KDM4C: variants seen among roughly 807,000 people sequenced by gnomAD.
KDM4C encodes lysine-specific demethylase 4C.
In KDM4C, 81 loss-of-function variants were observed where a neutral mutation model predicts 129.3. The observed-to-expected ratio is 0.63, with a 90% CI of 0.52 to 0.75. The LOEUF is 0.75. Ranked by LOEUF, KDM4C falls within the 30% of genes least tolerant of loss-of-function variation. The pLI, the probability that KDM4C is intolerant of heterozygous loss-of-function variation, is 0.00. For missense variants in KDM4C, 1,457 were observed against 1,304.0 expected (o/e 1.12, Z -1.81); for synonymous variants, 573 against 456.1 (o/e 1.26, Z -3.26).
At chr9:6,757,874 A>G, upstream of KDM4C, 8 of 985,598 alleles carry the variant, frequency 8.1e-6, no homozygotes, top group Non-Finnish European at 9.6e-6. Context: ...GCCCAAAGCA[A>G]GAGCGTGCCG....
intron 17 of KDM4C, among the ~76,000 whole-genome samples, chr9:7,090,341 A>C (rs1219976633): frequency 6.6e-6 from 1 of 152,112 alleles, no homozygotes; most frequent in Non-Finnish European, 1.5e-5. Context: ...TTGTAGAAAA[A>C]AATAAAATAT....
intron 15 of KDM4C, among the ~76,000 whole-genome samples, chr9:7,045,292 C>G (rs1239692161): frequency 1.3e-5 from 2 of 151,994 alleles, no homozygotes; most frequent in African/African-American, 2.4e-5. Context: ...ACATCTAATT[C>G]TCTTAGAGCC....
chr9:6,831,333 A>T (rs749587550), intron 4 of KDM4C, among the ~76,000 whole-genome samples: 3 of 151,766 alleles, frequency 2.0e-5, no homozygotes, highest in African/African-American at 7.3e-5. Flanking sequence ...ACTCCTCCCA[A>T]TTCTTCTGCT....
chr9:6,988,608 G>C (rs1818161997), intron 11 of KDM4C, among the ~76,000 whole-genome samples: 1 of 152,078 alleles, frequency 6.6e-6, no homozygotes, highest in South Asian at 2.1e-4. Context: ...GCTGATAGCT[G>C]CTGGCATTAG....
intron 17 of KDM4C, among the ~76,000 whole-genome samples, chr9:7,099,783 A>G (rs1836864625): frequency 6.6e-6 from 1 of 152,200 alleles, no homozygotes; most frequent in Admixed American, 6.5e-5. Context: ...TGTCAGAGAT[A>G]CCCACTAACA....
rs1285910400 is a variant in KDM4C, at chr9:6,999,522, C to T, written c.1786+8998C>T. On this transcript the variant is annotated intron_variant, in intron 12 of 21. Transcript: ENST00000381309. The stretch of plus-strand genomic sequence containing the variant: ...TCTACTAAAAATACAAAAAATTAGC[C>T]GGGCGTGGTGGCGGGCGCCTGTGGT... Among the ~76,000 whole-genome samples, 2 of 1,500 alleles carry T rather than the reference C, an allele frequency of 1.3e-3. 1 individual carries two copies. Among genetic ancestry groups the T allele is most frequent in the African/African-American group, 1.4e-3 (2 of 1,408 alleles). 1.0% of individuals were successfully genotyped at this position (1,500 alleles called of 152,430 possible).
intron 8 of KDM4C, among the ~76,000 whole-genome samples, chr9:6,951,695 A>C (rs1302391767): frequency 6.6e-6 from 1 of 152,138 alleles, no homozygotes; most frequent in Non-Finnish European, 1.5e-5. Context: ...AAAACACTTA[A>C]CTGTATTGAG....
intron 17 of KDM4C, among the ~76,000 whole-genome samples, chr9:7,059,237 T>C (rs1176824307): frequency 1.3e-5 from 2 of 152,134 alleles, no homozygotes; most frequent in Admixed American, 6.5e-5. Context: ...GCAGCCTGTA[T>C]CTCCTGGGCT....
At chr9:7,097,039 C>T (rs572795731) in intron 17 of KDM4C, among the ~76,000 whole-genome samples, 2 of 152,302 alleles carry the variant, frequency 1.3e-5, no homozygotes, top group East Asian at 3.9e-4. Context: ...CACCTCTGAG[C>T]TTTATTACTT....
chr9:7,067,751 T>C (rs1441275399), intron 17 of KDM4C, among the ~76,000 whole-genome samples: 1 of 152,162 alleles, frequency 6.6e-6, no homozygotes, highest in Non-Finnish European at 1.5e-5. Flanking sequence ...TTTAGCTCCA[T>C]GCCACTTCAC....
In KDM4C at chr9:6,934,606, G is replaced by C. The variant is rs147910591; in HGVS notation, c.921+41374G>C. ...AGCCTCCTGAGTAGCTAGGACTACA[G>C]GCACGCGCCACCATGCCTAGCTAAT... On this transcript the variant is annotated intron_variant, in intron 8 of 21. Coordinates refer to ENST00000381309, the MANE Select transcript of KDM4C (RefSeq NM_015061.6). 3.4e-3 allele frequency among the ~76,000 whole-genome samples: 520 copies of C among 151,764 alleles called. 2 individuals carry two copies. Among genetic ancestry groups the C allele is most frequent in the African/African-American group, 0.012 (489 of 41,414 alleles).
intron 15 of KDM4C, among the ~76,000 whole-genome samples, chr9:7,037,605 C>T (rs926105056): frequency 1.3e-5 from 2 of 152,222 alleles, no homozygotes. Context: ...TTAAAAATAG[C>T]TGGCATTGTT....
intron 5 of KDM4C, among the ~76,000 whole-genome samples, chr9:6,873,299 G>A (rs1197129454): frequency 6.6e-5 from 10 of 152,110 alleles, no homozygotes; most frequent in Non-Finnish European, 7.4e-5. Flanking sequence ...TACCATGCCC[G>A]TCCCTTTGAA....
intron 1 of KDM4C, among the ~76,000 whole-genome samples, chr9:6,748,463 C>T (rs781314552): frequency 2.5e-4 from 38 of 150,058 alleles, no homozygotes; most frequent in African/African-American, 6.6e-4. Context: ...GCTGAGATTA[C>T]GCCATTGCAC....
intron 11 of KDM4C, among the ~76,000 whole-genome samples, chr9:6,987,558 G>A (rs1279696369): frequency 6.6e-6 from 1 of 152,152 alleles, no homozygotes; most frequent in Admixed American, 6.5e-5. Context: ...TGCGCTGGCT[G>A]CAGAACAGAC....
At chr9:6,832,087 C>G (rs1834930148) in intron 4 of KDM4C, among the ~76,000 whole-genome samples, 1 of 151,746 alleles carries the variant, frequency 6.6e-6, no homozygotes, top group Admixed American at 6.6e-5. Flanking sequence ...GCCTGTAATC[C>G]CAGCACTCTG....
In KDM4C at chr9:6,823,290, C is replaced by G. The variant is rs183168857; in HGVS notation, c.435+8545C>G. Among the ~76,000 whole-genome samples, 305 of 152,250 alleles carry G rather than the reference C, an allele frequency of 2.0e-3. 6 individuals carry two copies. Among genetic ancestry groups the G allele is most frequent in the Admixed American group, 0.018 (273 of 15,296 alleles). On this transcript the variant is annotated intron_variant, in intron 4 of 21. Coordinates refer to ENST00000381309, the MANE Select transcript of KDM4C (RefSeq NM_015061.6). ...ACATGCAGGTCAGTCTTCAGTGGCC[C>G]CTTGGAACCAATGTTTTGCACCAAA...
intron 18 of KDM4C, among the ~76,000 whole-genome samples, chr9:7,119,112 G>T (rs1839228707): frequency 6.6e-6 from 1 of 151,924 alleles, no homozygotes; most frequent in African/African-American, 2.4e-5. Flanking sequence ...TGTCAGGTTA[G>T]GCCACCAAGA....
In KDM4C at chr9:6,867,951, G is replaced by A. The variant is rs1401233568; in HGVS notation, c.630-12061G>A. On this transcript the variant is annotated intron_variant, in intron 5 of 21. Coordinates refer to ENST00000381309, the MANE Select transcript of KDM4C (RefSeq NM_015061.6). ...AGAACCCTTATGTATCAACCAGAAAGAATGTTTTCTGTGATAGGTCCCTAC... is the reference window on the plus strand; with the variant it reads ...AGAACCCTTATGTATCAACCAGAAAAAATGTTTTCTGTGATAGGTCCCTAC... Among the ~76,000 whole-genome samples the A allele has an allele frequency of 2.0e-5, 3 of 152,280 alleles. No individual in the cohort carries two copies. The East Asian group carries it at 5.8e-4, about 29-fold the overall frequency.
Sources: allele counts gnomAD v4.1 joint callset (sites outside exome capture counted in the v4.1 genomes callset), GRCh38; gene constraint gnomAD v4.1.1; transcripts MANE v1.5; gene names NCBI Gene and HGNC (gene_info 2026-07-23, HGNC 2026-07-21).